Variants in FNDC3A observed in about 807,000 individuals in gnomAD.
FNDC3A encodes fibronectin type-III domain-containing protein 3A.
FNDC3A carries 32 observed loss-of-function variants against 148.9 expected under a neutral mutation model. The observed-to-expected ratio is 0.21, with a 90% confidence interval of 0.16 to 0.29. The LOEUF (loss-of-function observed/expected upper bound fraction) is 0.29, where lower values mean the gene tolerates loss of function less well. FNDC3A is among the 10% of genes least tolerant of loss of function. The pLI is 1.00. For synonymous variants in FNDC3A, 472 were observed against 473.6 expected (o/e 1.00, Z 0.04); for missense variants, 1,191 against 1,452.8 (o/e 0.82, Z 2.93).
chr13:49,164,551 G>C (rs1178284429), intron 8 of FNDC3A, among the ~76,000 whole-genome samples: 1 of 151,404 alleles, frequency 6.6e-6, no homozygotes, highest in Non-Finnish European at 1.5e-5. Context: ...TCAAATATTT[G>C]GTTGCTTTAT....
chr13:49,175,197 T>C (rs1260198106), intron 12 of FNDC3A, among the ~76,000 whole-genome samples, 170 bp from the exon 13 acceptor site: 1 of 152,228 alleles, frequency 6.6e-6, no homozygotes, highest in Non-Finnish European at 1.5e-5. Context: ...AATTCACTGT[T>C]TGGTATCTGA....
intron 1 of FNDC3A, among the ~76,000 whole-genome samples, chr13:48,999,744 G>T (rs1270804518): frequency 6.6e-6 from 1 of 152,122 alleles, no homozygotes; most frequent in Non-Finnish European, 1.5e-5. Context: ...AGGTAATGAG[G>T]GTGGAGCTCC....
At position 49,148,368 on chromosome 13, in the gene FNDC3A, C is replaced by A. The variant is rs528295145; in HGVS notation, c.977+2433C>A. Among the ~76,000 whole-genome samples the A allele has an allele frequency of 5.3e-5, 8 of 151,896 alleles. No individual in the cohort carries two copies. In the South Asian group the frequency reaches 1.7e-3, roughly 32 times the overall value. ...GGTCTTAAACATTTAAGTCTGTAAG[C>A]CTTCTTGTGTTTATTTTTATGTAAG... On this transcript the variant is annotated intron_variant, in intron 8 of 25. Transcript: ENST00000492622.
intron 3 of FNDC3A, among the ~76,000 whole-genome samples, chr13:49,081,113 A>G (rs1411152436): frequency 2.6e-5 from 4 of 152,200 alleles, no homozygotes; most frequent in Non-Finnish European, 5.9e-5. Flanking sequence ...TTGTAGCTAA[A>G]AACCCTCCTT....
At chr13:49,187,406 G>A in intron 16 of FNDC3A, 2 of 976,136 alleles carry the variant, frequency 2.0e-6, no homozygotes, top group Non-Finnish European at 3.2e-6. Context: ...ATGAGTTCAA[G>A]TTTGATCCAC....
At chr13:48,990,588 CAAAAAAAAAAAA>C (rs58007137) in intron 1 of FNDC3A, among the ~76,000 whole-genome samples, 2 of 58,118 alleles carry the variant, frequency 3.4e-5, no homozygotes, top group Admixed American at 2.5e-4. Context: ...CCTGTCTCTC[CAAAAAAAAAAAA>C]AAAAAAAAAA....
intron 2 of FNDC3A, among the ~76,000 whole-genome samples, chr13:49,010,490 T>C (rs1360044675): frequency 6.6e-6 from 1 of 152,100 alleles, no homozygotes; most frequent in East Asian, 1.9e-4. Context: ...AATAAGAAAA[T>C]AGGGTTAATA....
At chr13:49,131,442 A>G in intron 5 of FNDC3A, 68 bp downstream of exon 5, 1 of 1,115,956 alleles carries the variant, frequency 9.0e-7, no homozygotes, top group Non-Finnish European at 1.4e-6. Context: ...AATAGATGCC[A>G]TTATCATATC....
chr13:49,163,417 G>C (rs917599748), intron 8 of FNDC3A, among the ~76,000 whole-genome samples: 3 of 152,220 alleles, frequency 2.0e-5, no homozygotes, highest in Non-Finnish European at 4.4e-5. Context: ...GCAAGGCTCT[G>C]TGGGCGTGGG....
At chr13:48,988,357 C>G (rs1302330348) in intron 1 of FNDC3A, among the ~76,000 whole-genome samples, 1 of 152,178 alleles carries the variant, frequency 6.6e-6, no homozygotes, top group Non-Finnish European at 1.5e-5. Flanking sequence ...CAGTACATCA[C>G]TGATGAAATG....
At chr13:49,089,011 T>G (rs1489082126) in intron 3 of FNDC3A, among the ~76,000 whole-genome samples, 1 of 152,162 alleles carries the variant, frequency 6.6e-6, no homozygotes, top group Non-Finnish European at 1.5e-5. Flanking sequence ...GAAAATAGAA[T>G]AGTGGTTGCT....
intron 2 of FNDC3A, among the ~76,000 whole-genome samples, chr13:49,012,619 T>G (rs1952374480): frequency 6.6e-6 from 1 of 152,094 alleles, no homozygotes; most frequent in Non-Finnish European, 1.5e-5. Context: ...ATCTATAGAT[T>G]GATTGAGGGA....
At chr13:49,003,472 T>A (rs1177340904) in intron 1 of FNDC3A, among the ~76,000 whole-genome samples, 1 of 152,230 alleles carries the variant, frequency 6.6e-6, no homozygotes, top group Admixed American at 6.5e-5. Flanking sequence ...ATATGCTCTT[T>A]GTTAGTTGTA....
chr13:49,073,935 A>G (rs989547475), intron 2 of FNDC3A, among the ~76,000 whole-genome samples: 6 of 151,380 alleles, frequency 4.0e-5, no homozygotes, highest in Admixed American at 6.6e-5. Flanking sequence ...ATTTTGGCTA[A>G]GGGATACTCA....
Position 49,209,541 on chromosome 13 carries a change from G to A in FNDC3A, c.*2146G>A, listed in dbSNP as rs1324381532. 2.0e-5 allele frequency: 3 copies of A among 152,452 alleles called. No homozygotes were observed. In the East Asian group the frequency reaches 5.8e-4, roughly 29 times the overall value. The allele number at this position is 152,452 out of a possible 1,614,324, so 9.4% of individuals were successfully genotyped here. A position where few individuals can be genotyped will look rare whatever the true frequency, so the allele number is the denominator to read the frequency against. ...CTCATAAAAATACATAAACTATGTA[G>A]CAAAAGTATCTGTAAAATCCATGGA... On this transcript the variant is annotated 3_prime_UTR_variant, in exon 26 of 26. Transcript: ENST00000492622.
intron 8 of FNDC3A, among the ~76,000 whole-genome samples, chr13:49,160,615 C>T (rs933574869): frequency 2.6e-5 from 4 of 151,522 alleles, no homozygotes; most frequent in African/African-American, 9.7e-5. Flanking sequence ...GTGTCTCTAT[C>T]CCCTTCAGTT....
intron 8 of FNDC3A, among the ~76,000 whole-genome samples, chr13:49,161,347 T>C (rs1049945154): frequency 1.2e-4 from 19 of 152,232 alleles, no homozygotes; most frequent in African/African-American, 4.6e-4. Flanking sequence ...TTGATCCCTT[T>C]ACCATTATGT....
chr13:49,030,375 CAT>C (rs1236921319), intron 2 of FNDC3A, among the ~76,000 whole-genome samples: 1 of 152,090 alleles, frequency 6.6e-6, no homozygotes, highest in East Asian at 1.9e-4. Flanking sequence ...TCCTCAACCT[CAT>C]AAAAGGCATC....
chr13:49,076,203 G>A (rs1878100034), intron 3 of FNDC3A, among the ~76,000 whole-genome samples: 1 of 151,954 alleles, frequency 6.6e-6, no homozygotes, highest in Admixed American at 6.6e-5. Context: ...CTCCTCTGCT[G>A]TTTACTAGCT....
Sources: allele counts gnomAD v4.1 joint callset (sites outside exome capture counted in the v4.1 genomes callset), GRCh38; gene constraint gnomAD v4.1.1; transcripts MANE v1.5; gene names NCBI Gene and HGNC (gene_info 2026-07-23, HGNC 2026-07-21).